ICA1L: variants seen among roughly 807,000 people sequenced by gnomAD.
The protein encoded by ICA1L is islet cell autoantigen 1 like.
Under a neutral mutation model 61.3 loss-of-function variants are expected in ICA1L, and 50 were observed. The observed-to-expected ratio is 0.82, with a 90% CI of 0.65 to 1.03. ICA1L has a LOEUF of 1.03. Ranked by LOEUF, ICA1L falls within the 50% of genes least tolerant of loss-of-function variation. The probability of loss-of-function intolerance (pLI) is 0.00; values close to 1 mark genes in which losing one functional copy is unlikely to be tolerated. For missense variants in ICA1L, 508 were observed against 556.7 expected (o/e 0.91, Z 0.88); for synonymous variants, 161 against 191.3 (o/e 0.84, Z 1.31).
chr2:202,851,439 CT>C (rs1694617855), intron 1 of ICA1L, among the ~76,000 whole-genome samples: 2 of 152,122 alleles, frequency 1.3e-5, no homozygotes, highest in Non-Finnish European at 2.9e-5. Context: ...GGTTCTAAGT[CT>C]TTGCTACTGT....
intron 10 of ICA1L, among the ~76,000 whole-genome samples, chr2:202,790,773 G>A (rs1692722577): frequency 6.6e-6 from 1 of 152,140 alleles, no homozygotes; most frequent in African/African-American, 2.4e-5. Context: ...GTTTCATGAA[G>A]AAAGAGGCAA....
At chr2:202,783,896 G>GTA (rs1365967410) in intron 12 of ICA1L, among the ~76,000 whole-genome samples, 1 of 151,262 alleles carries the variant, frequency 6.6e-6, no homozygotes, top group Admixed American at 6.6e-5. Context: ...AAATTTATAT[G>GTA]TATATGATGG....
At position 202,781,220 on chromosome 2, in the gene ICA1L, G is replaced by A. The variant is rs1669691848; in HGVS notation, c.1334-1572C>T. Among the ~76,000 whole-genome samples, 3 of 152,062 alleles carry A rather than the reference G, an allele frequency of 2.0e-5. No homozygotes were observed. In the South Asian group the frequency reaches 6.2e-4, roughly 32 times the overall value. ...AATGAATTCTATATAGAGAGAAAAA[G>A]CCCAAATTAAACATAATGTTCATAA... On this transcript the variant is annotated intron_variant, in intron 12 of 12. Coordinates refer to ENST00000358299, the MANE Select transcript of ICA1L (RefSeq NM_001288622.3).
intron 1 of ICA1L, among the ~76,000 whole-genome samples, chr2:202,829,624 A>G (rs1693957909): frequency 6.6e-6 from 1 of 152,170 alleles, no homozygotes; most frequent in South Asian, 2.1e-4. Context: ...TAATGTTCTC[A>G]GTCAGACATG....
Position 202,778,854 on chromosome 2 carries a change from T to TGCTA in ICA1L, c.*675_*678dup, listed in dbSNP as rs1297462179. ...GATGGGCTTAGCAAATTAATTATCCTGCTACTTCCCCTTCAAGATTTAATA... is the reference window on the plus strand; with the variant it reads ...GATGGGCTTAGCAAATTAATTATCCTGCTAGCTACTTCCCCTTCAAGATTTAATA... On this transcript the variant is annotated 3_prime_UTR_variant, in exon 13 of 13. Transcript: ENST00000358299. 1.5e-4 allele frequency: 23 copies of TGCTA among 152,650 alleles called. No homozygotes were observed. Among genetic ancestry groups the TGCTA allele is most frequent in the Admixed American group, 1.5e-3 (23 of 15,280 alleles). The allele number at this position is 152,650 out of a possible 1,614,324, so 9.5% of individuals were successfully genotyped here.
chr2:202,802,404 G>C (rs1693107348), intron 9 of ICA1L, among the ~76,000 whole-genome samples: 1 of 152,080 alleles, frequency 6.6e-6, no homozygotes, highest in East Asian at 1.9e-4. Context: ...TATTTTTAAA[G>C]ATAATAGTTG....
chr2:202,813,509 T>TC (rs1008100419), intron 8 of ICA1L, among the ~76,000 whole-genome samples: 10 of 152,264 alleles, frequency 6.6e-5, no homozygotes, highest in Admixed American at 3.9e-4. Context: ...GTTGGGAAGT[T>TC]CAAGATCATG....
chr2:202,806,270 G>C (rs1693223898), intron 9 of ICA1L, among the ~76,000 whole-genome samples: 1 of 152,174 alleles, frequency 6.6e-6, no homozygotes, highest in African/African-American at 2.4e-5. Flanking sequence ...GCCACAGTAG[G>C]ATAGGGGACA....
chr2:202,802,332 GGTTCACCATAAGCTTATTAGA>G (rs951335825), intron 9 of ICA1L, among the ~76,000 whole-genome samples: 1 of 151,844 alleles, frequency 6.6e-6, no homozygotes, highest in African/African-American at 2.4e-5. Flanking sequence ...TTAATGAAAA[GGTTCACCATAAGCTTATTAGA>G]GTTCTGGAAG....
intron 1 of ICA1L, among the ~76,000 whole-genome samples, chr2:202,853,678 C>G (rs548763943): frequency 8.4e-4 from 128 of 152,070 alleles, no homozygotes; most frequent in Non-Finnish European, 1.5e-3. Context: ...AAAACCCCAT[C>G]AAAAAGTGGG....
chr2:202,799,074 G>A (rs867684275), intron 9 of ICA1L, among the ~76,000 whole-genome samples: 2 of 152,132 alleles, frequency 1.3e-5, no homozygotes, highest in African/African-American at 4.8e-5. Flanking sequence ...GAATACTAAT[G>A]CAATAATCGT....
At chr2:202,857,580 C>T (rs1156493141) in intron 1 of ICA1L, among the ~76,000 whole-genome samples, 1 of 152,080 alleles carries the variant, frequency 6.6e-6, no homozygotes, top group African/African-American at 2.4e-5. Context: ...GACTTCATGA[C>T]GAAAACACCA....
intron 1 of ICA1L, among the ~76,000 whole-genome samples, chr2:202,829,385 C>CA (rs1006017335): frequency 1.3e-4 from 20 of 151,662 alleles, no homozygotes; most frequent in African/African-American, 2.7e-4. Flanking sequence ...ACAAAAAAAC[C>CA]AAAAAAAACT....
In ICA1L at chr2:202,814,765, C is replaced by T. The variant is rs370431261; in HGVS notation, c.803G>A (p.Ser268Asn). ...VALKQLQDTP[S>N]KISEDNKDEQ... ...ATCTTTATTGTCTTCACTAATCTTG[C>T]TTGGCGTGTCTTGTAGTTGCTAAAG... Residue 268 changes from serine (S) to asparagine (N), a missense_variant, in exon 8 of 13, where the codon AGC becomes AAC. Ser to Asn is a conservative substitution (Grantham distance 46). Transcript: ENST00000358299. The T allele has an allele frequency of 5.0e-6, 8 of 1,613,038 alleles. No homozygotes were observed. Among genetic ancestry groups the T allele is most frequent in the Non-Finnish European group, 6.8e-6 (8 of 1,179,362 alleles).
At position 202,815,906 on chromosome 2, in the gene ICA1L, T is replaced by C. The variant is rs1437771513; in HGVS notation, c.783+5A>G. 2 of 1,545,362 alleles carry C rather than the reference T, an allele frequency of 1.3e-6. No homozygotes were observed. Among genetic ancestry groups the C allele is most frequent in the Non-Finnish European group, 1.8e-6 (2 of 1,141,030 alleles). On this transcript the variant is annotated splice_donor_5th_base_variant and intron_variant, in intron 7 of 12. Transcript: ENST00000358299. Reference sequence around the variant, plus strand: ...CTAAACAAGAGAACATGGAACACAATGTACCTTGAGAGCTACAAAATCATA... The same window carrying C: ...CTAAACAAGAGAACATGGAACACAACGTACCTTGAGAGCTACAAAATCATA...
Position 202,841,666 on chromosome 2 carries a change from G to A in ICA1L, c.-7-12650C>T, listed in dbSNP as rs532719789. Reference sequence around the variant, plus strand: ...TGCTGCCCACTCGGGAGAAGCTCAAGGAGCTGATGCAGGCACCGGGCCCAC... The same window carrying A: ...TGCTGCCCACTCGGGAGAAGCTCAAAGAGCTGATGCAGGCACCGGGCCCAC... On this transcript the variant is annotated intron_variant, in intron 1 of 12. Transcript: ENST00000358299. 3.0e-5 allele frequency: 17 copies of A among 572,046 alleles called. No individual in the cohort carries two copies. In the East Asian group the frequency reaches 7.4e-4, roughly 25 times the overall value. The allele number at this position is 572,046 out of a possible 1,614,324, so 35.4% of individuals were successfully genotyped here. A position where few individuals can be genotyped will look rare whatever the true frequency, so the allele number is the denominator to read the frequency against.
intron 1 of ICA1L, among the ~76,000 whole-genome samples, chr2:202,833,868 G>A (rs1265742261): frequency 6.6e-6 from 1 of 152,104 alleles, no homozygotes; most frequent in Non-Finnish European, 1.5e-5. Context: ...ATCTAAAAAA[G>A]TTGAACTAAT....
chr2:202,798,192 C>G (rs1227648465), intron 9 of ICA1L, among the ~76,000 whole-genome samples: 4 of 152,106 alleles, frequency 2.6e-5, no homozygotes, highest in African/African-American at 9.7e-5. Context: ...TGAACACTTA[C>G]AATGATTCCA....
At chr2:202,837,723 GTTGT>G (rs1053384816) in intron 1 of ICA1L, among the ~76,000 whole-genome samples, 13 of 150,780 alleles carry the variant, frequency 8.6e-5, no homozygotes, top group Admixed American at 3.3e-4. Flanking sequence ...ATAACATTAG[GTTGT>G]TTATTTAGGG....
Sources: allele counts gnomAD v4.1 joint callset (sites outside exome capture counted in the v4.1 genomes callset), GRCh38; gene constraint gnomAD v4.1.1; transcripts MANE v1.5; gene names NCBI Gene and HGNC (gene_info 2026-07-23, HGNC 2026-07-21).